The following DNAJC5B variants were observed in gnomAD, a reference collection of about 807,000 sequenced individuals.
DNAJC5B encodes DnaJ heat shock protein family (Hsp40) member C5 beta.
A neutral mutation model predicts 24.7 loss-of-function variants in DNAJC5B; 23 were observed. The observed-to-expected ratio is 0.93, with a 90% CI of 0.67 to 1.32. DNAJC5B has a LOEUF of 1.32. Ranked by LOEUF, DNAJC5B falls within the 40% of genes most tolerant of loss-of-function variation. DNAJC5B has a pLI of 0.00. For missense variants in DNAJC5B, 238 were observed against 240.8 expected (o/e 0.99, Z 0.08); for synonymous variants, 101 against 90.1 (o/e 1.12, Z -0.68).
At chr8:66,095,417 T>C (rs943715476) in intron 5 of DNAJC5B, among the ~76,000 whole-genome samples, 1 of 151,728 alleles carries the variant, frequency 6.6e-6, no homozygotes, top group Non-Finnish European at 1.5e-5. Flanking sequence ...CTCTCTCTCT[T>C]TTTTTTAACC....
intron 1 of DNAJC5B, among the ~76,000 whole-genome samples, chr8:66,037,457 GC>G (rs1488558933): frequency 6.6e-6 from 1 of 152,114 alleles, no homozygotes; most frequent in Non-Finnish European, 1.5e-5. Context: ...GAGGTGCCTT[GC>G]CAGAGGTGGG....
chr8:66,069,553 T>C (rs1807299788), intron 3 of DNAJC5B, among the ~76,000 whole-genome samples: 1 of 152,204 alleles, frequency 6.6e-6, no homozygotes, highest in South Asian at 2.1e-4. Flanking sequence ...GTTCTGAAAT[T>C]GAGGCAGTAA....
chr8:66,093,689 T>C (rs1807893637), intron 5 of DNAJC5B, among the ~76,000 whole-genome samples: 1 of 152,222 alleles, frequency 6.6e-6, no homozygotes. Context: ...TTTTACTCTT[T>C]ATGGCATTTT....
chr8:66,019,360 A>T (rs189412478), upstream of DNAJC5B, among the ~76,000 whole-genome samples: 3 of 152,290 alleles, frequency 2.0e-5, no homozygotes, highest in East Asian at 5.8e-4. Flanking sequence ...TCTTTTTTCC[A>T]TTGAACCTTT....
chr8:66,052,614 C>A (rs1399397946), intron 3 of DNAJC5B, among the ~76,000 whole-genome samples: 12 of 152,178 alleles, frequency 7.9e-5, no homozygotes, highest in Admixed American at 7.9e-4. Context: ...ACAGAAGAAG[C>A]ACTGGTTTGG....
chr8:66,059,719 A>T (rs1365163988), intron 3 of DNAJC5B, among the ~76,000 whole-genome samples: 2 of 152,118 alleles, frequency 1.3e-5, no homozygotes. Flanking sequence ...ATCTCCATGT[A>T]GTGGCATTGT....
intron 3 of DNAJC5B, among the ~76,000 whole-genome samples, chr8:66,059,379 T>G (rs1428897607): frequency 6.6e-6 from 1 of 152,246 alleles, no homozygotes; most frequent in Non-Finnish European, 1.5e-5. Context: ...CCATCATTCA[T>G]ACATTTGCCT....
intron 5 of DNAJC5B, among the ~76,000 whole-genome samples, chr8:66,082,693 T>C (rs1015715225): frequency 1.3e-5 from 2 of 152,180 alleles, no homozygotes; most frequent in African/African-American, 2.4e-5. Context: ...GCAGCTCCTA[T>C]GCAGGGATCC....
At chr8:66,087,220 G>C (rs185028980) in intron 5 of DNAJC5B, among the ~76,000 whole-genome samples, 1 of 152,268 alleles carries the variant, frequency 6.6e-6, no homozygotes, top group East Asian at 1.9e-4. Context: ...AGGTGAGAGA[G>C]AGTGAGCAAA....
chr8:66,067,844 A>T (rs781182902), intron 3 of DNAJC5B, among the ~76,000 whole-genome samples: 10 of 152,208 alleles, frequency 6.6e-5, no homozygotes, highest in Non-Finnish European at 1.0e-4. Flanking sequence ...AGAGCTCAAA[A>T]TTGTCCCCAC....
intron 1 of DNAJC5B, among the ~76,000 whole-genome samples, chr8:66,040,641 C>T (rs192676723): frequency 1.8e-4 from 27 of 152,188 alleles, no homozygotes; most frequent in African/African-American, 5.5e-4. Context: ...CAGCGGCTCT[C>T]GATCCAGGCA....
At chr8:66,087,107 A>C (rs1306382813) in intron 5 of DNAJC5B, among the ~76,000 whole-genome samples, 1 of 152,178 alleles carries the variant, frequency 6.6e-6, no homozygotes, top group Admixed American at 6.5e-5. Context: ...TAAGCAAAAG[A>C]GGTTTAATTG....
At chr8:66,070,425 A>G (rs926366361) in intron 3 of DNAJC5B, among the ~76,000 whole-genome samples, 2 of 152,198 alleles carry the variant, frequency 1.3e-5, no homozygotes, top group Non-Finnish European at 2.9e-5. Flanking sequence ...ACAGACAGAG[A>G]GCGAAATCAT....
chr8:66,027,166 G>T (rs888693070), intron 1 of DNAJC5B, among the ~76,000 whole-genome samples: 3 of 152,204 alleles, frequency 2.0e-5, no homozygotes, highest in Non-Finnish European at 4.4e-5. Flanking sequence ...TGTCTGGGGA[G>T]CAGGGATCCA....
At chr8:66,028,806 G>A (rs1038585336) in intron 1 of DNAJC5B, among the ~76,000 whole-genome samples, 6 of 151,996 alleles carry the variant, frequency 3.9e-5, no homozygotes, top group African/African-American at 1.2e-4. Flanking sequence ...CTCTGCACTC[G>A]TTGGCCACGC....
At chr8:66,088,634 T>A (rs964029169) in intron 5 of DNAJC5B, among the ~76,000 whole-genome samples, 1 of 152,190 alleles carries the variant, frequency 6.6e-6, no homozygotes, top group African/African-American at 2.4e-5. Flanking sequence ...CCAGATCACC[T>A]CTTGAATGCT....
chr8:66,087,682 G>A (rs949516411), intron 5 of DNAJC5B, among the ~76,000 whole-genome samples: 2 of 152,094 alleles, frequency 1.3e-5, no homozygotes, highest in Non-Finnish European at 2.9e-5. Flanking sequence ...GGGACCACAG[G>A]CCCCAGACAA....
intron 2 of DNAJC5B, among the ~76,000 whole-genome samples, chr8:66,051,229 C>T (rs1041734528): frequency 6.6e-6 from 1 of 152,144 alleles, no homozygotes; most frequent in Non-Finnish European, 1.5e-5. Context: ...TCTACATTTG[C>T]CTGGCCTTTG....
chr8:66,016,890 G>A (rs1805968307), upstream of DNAJC5B, among the ~76,000 whole-genome samples: 1 of 152,128 alleles, frequency 6.6e-6, no homozygotes, highest in Non-Finnish European at 1.5e-5. Context: ...TGGAATGTAG[G>A]TCTTCACAGT....
Sources: gnomAD v4.1 joint callset for allele counts (sites outside exome capture counted in the v4.1 genomes callset) on GRCh38, gnomAD v4.1.1 for gene constraint, MANE v1.5 for transcripts, NCBI Gene and HGNC (gene_info 2026-07-23, HGNC 2026-07-21) for gene names.